The following SFMBT2 variants were observed in gnomAD, a reference collection of about 807,000 sequenced individuals.
The protein encoded by SFMBT2 is Scm like with four mbt domains 2.
SFMBT2 carries 38 observed loss-of-function variants against 110.1 expected under a neutral mutation model. That is an observed-to-expected ratio of 0.35 (90% CI 0.27 to 0.45). The LOEUF is 0.45. Ranked by LOEUF, SFMBT2 falls within the 20% of genes least tolerant of loss-of-function variation. The pLI is 1.00. For synonymous variants in SFMBT2, 425 were observed against 425.4 expected, an observed-to-expected ratio of 1.00 and a Z score of 0.01; for missense variants, 1,011 against 1,094.9, an observed-to-expected ratio of 0.92 and a Z score of 1.08.
intron 4 of SFMBT2, among the ~76,000 whole-genome samples, chr10:7,306,266 C>T (rs905080860): frequency 1.3e-5 from 2 of 152,224 alleles, no homozygotes; most frequent in Non-Finnish European, 2.9e-5. Context: ...CTCCACCCAC[C>T]CCCGGCACTT....
rs990214016 is a variant in SFMBT2, at chr10:7,163,696, A to T, written c.*74T>A. 4.4e-6 allele frequency: 6 copies of T among 1,377,928 alleles called. No homozygotes were observed. In the Middle Eastern group the frequency reaches 5.5e-4, roughly 127 times the overall value. 85.4% of individuals were successfully genotyped at this position (1,377,928 alleles called of 1,614,324 possible). On this transcript the variant is annotated 3_prime_UTR_variant, in exon 21 of 21. Transcript: ENST00000397167. This position sits in a 1 kb window ranked among gnomAD's most constrained non-coding sequence, Gnocchi z 4.8. ...TGTACCATTTAACATATCCCGGAAA[A>T]TCAAAGTTTCAGTCCTGGAAACCTT...
chr10:7,178,512 C>T (rs1838143556), intron 16 of SFMBT2, among the ~76,000 whole-genome samples: 1 of 152,146 alleles, frequency 6.6e-6, no homozygotes, highest in African/African-American at 2.4e-5. Flanking sequence ...ATACTGCTTT[C>T]CTTAAACGTA....
intron 1 of SFMBT2, among the ~76,000 whole-genome samples, chr10:7,398,849 G>C (rs1191952820): frequency 6.6e-6 from 1 of 152,168 alleles, no homozygotes; most frequent in African/African-American, 2.4e-5. Context: ...GTCATTTTAA[G>C]TAGATCATGT....
chr10:7,354,337 A>C (rs1189119460), intron 4 of SFMBT2, among the ~76,000 whole-genome samples: 1 of 152,314 alleles, frequency 6.6e-6, no homozygotes, highest in East Asian at 1.9e-4. Flanking sequence ...AGTCTTGATC[A>C]AAATAACACG....
intron 17 of SFMBT2, among the ~76,000 whole-genome samples, chr10:7,174,138 A>G (rs1286792221): frequency 2.6e-5 from 4 of 152,226 alleles, no homozygotes; most frequent in Non-Finnish European, 5.9e-5. Context: ...GTTCTCATCA[A>G]TCTCTCAAAA....
At chr10:7,232,790 C>T (rs1011670547) in intron 9 of SFMBT2, among the ~76,000 whole-genome samples, 1 of 152,018 alleles carries the variant, frequency 6.6e-6, no homozygotes, top group Non-Finnish European at 1.5e-5. Flanking sequence ...TATTTGAAAA[C>T]ACAGAATCTT....
At chr10:7,321,236 C>G (rs1165893358) in intron 4 of SFMBT2, among the ~76,000 whole-genome samples, 3 of 142,338 alleles carry the variant, frequency 2.1e-5, no homozygotes, top group Non-Finnish European at 4.5e-5. Flanking sequence ...GAGTCTCACT[C>G]TGTTGCCCAG....
At chr10:7,209,226 T>G (rs909462997) in intron 11 of SFMBT2, among the ~76,000 whole-genome samples, 2 of 152,238 alleles carry the variant, frequency 1.3e-5, no homozygotes, top group African/African-American at 4.8e-5. Context: ...TCCTTGATTA[T>G]TTGAGGATTG....
At chr10:7,261,596 G>A (rs548091540) in intron 7 of SFMBT2, among the ~76,000 whole-genome samples, 7 of 152,318 alleles carry the variant, frequency 4.6e-5, no homozygotes, top group Non-Finnish European at 7.3e-5. Context: ...TCCAGATGCC[G>A]GCAGGGAAAA....
chr10:7,329,802 G>A (rs982887083), intron 4 of SFMBT2, among the ~76,000 whole-genome samples: 1 of 152,208 alleles, frequency 6.6e-6, no homozygotes, highest in Non-Finnish European at 1.5e-5. Flanking sequence ...TCCAGCAAAT[G>A]AGGTGGCAGC....
intron 12 of SFMBT2, 161 bp downstream of exon 12, chr10:7,205,654 A>G: frequency 1.0e-6 from 1 of 985,166 alleles, no homozygotes; most frequent in African/African-American, 1.7e-5. Context: ...TCATGCAAAC[A>G]CTTAAAGATT....
intron 4 of SFMBT2, among the ~76,000 whole-genome samples, chr10:7,322,048 T>A (rs1354136969): frequency 6.6e-6 from 1 of 152,216 alleles, no homozygotes; most frequent in Non-Finnish European, 1.5e-5. Context: ...TACATGATAT[T>A]GTTTGGCTCT....
intron 4 of SFMBT2, among the ~76,000 whole-genome samples, chr10:7,300,235 T>C (rs1168784137): frequency 6.7e-6 from 1 of 150,210 alleles, no homozygotes; most frequent in African/African-American, 2.4e-5. Context: ...CAAACCACCA[T>C]GGCACACATA....
intron 7 of SFMBT2, among the ~76,000 whole-genome samples, chr10:7,262,925 G>A (rs997574015): frequency 6.6e-6 from 1 of 152,224 alleles, no homozygotes; most frequent in African/African-American, 2.4e-5. Context: ...CCACCTCGCA[G>A]TTCTGTATGT....
At chr10:7,178,868 A>G (rs1838155467) in intron 16 of SFMBT2, among the ~76,000 whole-genome samples, 1 of 152,182 alleles carries the variant, frequency 6.6e-6, no homozygotes, top group African/African-American at 2.4e-5. Flanking sequence ...CAGATTTTTA[A>G]CCCTATCATG....
At chr10:7,212,391 G>A (rs751515420) in intron 11 of SFMBT2, among the ~76,000 whole-genome samples, 7 of 152,166 alleles carry the variant, frequency 4.6e-5, no homozygotes, top group Non-Finnish European at 7.3e-5. Context: ...TCACAGGACC[G>A]CCTGTAAAAA....
At chr10:7,198,005 T>C (rs1838833601) in intron 14 of SFMBT2, 2 of 985,326 alleles carry the variant, frequency 2.0e-6, no homozygotes, top group African/African-American at 1.7e-5. Flanking sequence ...ACATTTTATA[T>C]CCTTAATGAT....
At chr10:7,208,778 C>T (rs542570854) in intron 11 of SFMBT2, among the ~76,000 whole-genome samples, 11 of 152,092 alleles carry the variant, frequency 7.2e-5, no homozygotes, top group South Asian at 2.1e-4. Flanking sequence ...CTAATTCAAA[C>T]ATCACATCGT....
intron 4 of SFMBT2, among the ~76,000 whole-genome samples, chr10:7,356,100 G>C (rs1844501576): frequency 6.6e-6 from 1 of 152,212 alleles, no homozygotes; most frequent in Non-Finnish European, 1.5e-5. Context: ...ATTTGAGCCT[G>C]ATGTGTAGGT....
Sources: gnomAD v4.1 joint callset for allele counts (sites outside exome capture counted in the v4.1 genomes callset) on GRCh38, gnomAD v4.1.1 for gene constraint, Gnocchi (gnomAD v3.1) non-coding constraint, MANE v1.5 for transcripts, NCBI Gene and HGNC (gene_info 2026-07-23, HGNC 2026-07-21) for gene names.